LARGE1: variants seen among roughly 807,000 people sequenced by gnomAD.
LARGE1 encodes LARGE xylosyl- and glucuronyltransferase 1.
LARGE1 carries 43 observed loss-of-function variants against 87.6 expected under a neutral mutation model. The observed-to-expected ratio is 0.49, with a 90% confidence interval of 0.38 to 0.63. The LOEUF (loss-of-function observed/expected upper bound fraction) is 0.63. Ranked by LOEUF, LARGE1 falls within the 30% of genes least tolerant of loss-of-function variation. The probability of loss-of-function intolerance (pLI) is 0.00; values close to 1 mark genes in which losing one functional copy is unlikely to be tolerated. For missense variants in LARGE1, 802 were observed against 1,000.2 expected (o/e 0.80, Z 2.67); for synonymous variants, 434 against 394.6 (o/e 1.10, Z -1.18).
At chr22:33,380,718 A>G (rs1335348782) in intron 9 of LARGE1, among the ~76,000 whole-genome samples, 1 of 152,244 alleles carries the variant, frequency 6.6e-6, no homozygotes. Context: ...ACAAAAGACT[A>G]ATTTATTAGA....
intron 2 of LARGE1, among the ~76,000 whole-genome samples, chr22:33,751,484 C>CAA (rs112824683): frequency 7.9e-6 from 1 of 126,156 alleles, no homozygotes; most frequent in Non-Finnish European, 1.8e-5. Context: ...GACTCCATCT[C>CAA]AAAAAAAAAA....
chr22:33,126,066 A>G, the LARGE1 span, among the ~76,000 whole-genome samples: 6 of 152,190 alleles, frequency 3.9e-5, no homozygotes, highest in African/African-American at 1.4e-4. Context: ...GATTATTTCT[A>G]TAACCTTGAG....
intron 11 of LARGE1, among the ~76,000 whole-genome samples, chr22:33,258,965 C>G (rs977761364): frequency 3.9e-5 from 6 of 151,916 alleles, no homozygotes; most frequent in African/African-American, 1.5e-4. Flanking sequence ...GCAACCTCCA[C>G]CTCCCAGGTT....
At chr22:33,863,657 A>G (rs2064000407) in intron 1 of LARGE1, among the ~76,000 whole-genome samples, 1 of 151,816 alleles carries the variant, frequency 6.6e-6, no homozygotes, top group Non-Finnish European at 1.5e-5. Context: ...AATCCCAGTT[A>G]CTCAGGAGGC....
intron 5 of LARGE1, among the ~76,000 whole-genome samples, chr22:33,603,280 T>C (rs2079159980): frequency 6.6e-6 from 1 of 152,102 alleles, no homozygotes; most frequent in African/African-American, 2.4e-5. Context: ...TTTGCCAGAG[T>C]CAGCCTCATG....
At chr22:33,242,326 A>G (rs1014600961) in intron 11 of LARGE1, among the ~76,000 whole-genome samples, 1 of 152,090 alleles carries the variant, frequency 6.6e-6, no homozygotes, top group Admixed American at 6.5e-5. Flanking sequence ...ACCAAATTCA[A>G]TTTATATGCA....
intron 2 of LARGE1, among the ~76,000 whole-genome samples, chr22:33,748,495 G>T (rs533365274): frequency 6.6e-6 from 1 of 152,232 alleles, no homozygotes; most frequent in East Asian, 1.9e-4. Context: ...GAGACAAAAT[G>T]ACTCTGCAAA....
At chr22:33,467,006 T>C (rs1443458605) in intron 6 of LARGE1, among the ~76,000 whole-genome samples, 2 of 152,156 alleles carry the variant, frequency 1.3e-5, no homozygotes, top group African/African-American at 4.8e-5. Flanking sequence ...CGTGCCATTG[T>C]ACTCCAGCCT....
chr22:33,749,245 GC>G (rs1420596522), intron 2 of LARGE1, among the ~76,000 whole-genome samples: 9 of 152,320 alleles, frequency 5.9e-5, no homozygotes, highest in Admixed American at 1.3e-4. Flanking sequence ...CTCCAGAGTA[GC>G]TGGGATTACA....
At chr22:33,138,298 T>G in the LARGE1 span, among the ~76,000 whole-genome samples, 2 of 152,088 alleles carry the variant, frequency 1.3e-5, no homozygotes, top group African/African-American at 4.8e-5. Context: ...TTTGGCCAAT[T>G]TTTTCCATTT....
rs578142336 is a variant in LARGE1 at position 33,602,127 on chromosome 22, T to C, written c.615+2308A>G. Among the ~76,000 whole-genome samples, 73 of 152,328 alleles carry C rather than the reference T, an allele frequency of 4.8e-4. No individual in the cohort carries two copies. In the Middle Eastern group the frequency reaches 0.01, roughly 21 times the overall value. On this transcript the variant is annotated intron_variant, in intron 5 of 14. Coordinates refer to ENST00000397394, the MANE Select transcript of LARGE1 (RefSeq NM_133642.5). The stretch of plus-strand genomic sequence containing the variant: ...ATTTTTAAGAAGCTGTCATGTCGTG[T>C]ACACTGACCCATCTTATTTCACCCC...
chr22:33,188,539 C>T (rs1341522704), intron 11 of LARGE1, among the ~76,000 whole-genome samples: 1 of 152,152 alleles, frequency 6.6e-6, no homozygotes, highest in Non-Finnish European at 1.5e-5. Flanking sequence ...GCTGAGAGAA[C>T]ATTACAAAGA....
intron 11 of LARGE1, among the ~76,000 whole-genome samples, chr22:33,234,040 C>CAAG (rs1926135823): frequency 1.3e-5 from 2 of 152,232 alleles, no homozygotes; most frequent in African/African-American, 4.8e-5. Context: ...TTGCATCATT[C>CAAG]AAGATAGGCT....
At chr22:33,642,422 T>C (rs187556777) in intron 3 of LARGE1, among the ~76,000 whole-genome samples, 1 of 152,190 alleles carries the variant, frequency 6.6e-6, no homozygotes, top group African/African-American at 2.4e-5. Flanking sequence ...CACCAGCCAC[T>C]GCAAAAACAT....
At chr22:33,364,676 T>C (rs1397274374) in intron 9 of LARGE1, among the ~76,000 whole-genome samples, 1 of 152,222 alleles carries the variant, frequency 6.6e-6, no homozygotes, top group African/African-American at 2.4e-5. Context: ...CTTAGGTCAC[T>C]AAGCATAATG....
chr22:33,738,450 A>T (rs1300017510), intron 2 of LARGE1, among the ~76,000 whole-genome samples: 1 of 152,212 alleles, frequency 6.6e-6, no homozygotes, highest in Non-Finnish European at 1.5e-5. Flanking sequence ...CAGATGGCTC[A>T]GATGGGAGGA....
Position 33,273,763 on chromosome 22 carries a change from T to C in LARGE1, c.*664A>G, listed in dbSNP as rs1017061714. On this transcript the variant is annotated 3_prime_UTR_variant, in exon 15 of 15. Transcript: ENST00000397394. ...TCCTTTAGAGCCTCAAAGGATCAGA[T>C]TTTCTATTTTGGATTGCCAGCCCCA... 2 of 398,672 alleles carry C rather than the reference T, an allele frequency of 5.0e-6. No individual in the cohort carries two copies. Among genetic ancestry groups the C allele is most frequent in the African/African-American group, 4.1e-5 (2 of 48,554 alleles). 24.7% of individuals were successfully genotyped at this position (398,672 alleles called of 1,614,324 possible). A position where few individuals can be genotyped will look rare whatever the true frequency, so the allele number is the denominator to read the frequency against.
rs187487073 is a variant in LARGE1, at chr22:33,516,068, G to A, written c.787+48780C>T. Among the ~76,000 whole-genome samples the A allele has an allele frequency of 3.5e-3, 540 of 152,346 alleles. 3 individuals are homozygous for A. Among genetic ancestry groups the A allele is most frequent in the Middle Eastern group, 0.02 (6 of 294 alleles). On this transcript the variant is annotated intron_variant, in intron 6 of 14. Coordinates refer to ENST00000397394, the MANE Select transcript of LARGE1 (RefSeq NM_133642.5). ...GACAGATAAATCCATAGTGAAAGCT[G>A]AGAGTTTGTTGCAGAGGATGCAGGG...
At chr22:33,536,464 A>G (rs1217513308) in intron 6 of LARGE1, among the ~76,000 whole-genome samples, 1 of 152,194 alleles carries the variant, frequency 6.6e-6, no homozygotes, top group Non-Finnish European at 1.5e-5. Context: ...GCACCCTGCT[A>G]TGCACTGAGG....
Sources: gnomAD v4.1 joint callset for allele counts (sites outside exome capture counted in the v4.1 genomes callset) on GRCh38, gnomAD v4.1.1 for gene constraint, MANE v1.5 for transcripts, NCBI Gene and HGNC (gene_info 2026-07-23, HGNC 2026-07-21) for gene names.